Variants in TF observed in about 807,000 individuals in gnomAD.
TF encodes transferrin.
A neutral mutation model predicts 82.4 loss-of-function variants in TF; 55 were observed. That is an observed-to-expected ratio of 0.67 (90% confidence interval 0.54 to 0.84). The LOEUF (loss-of-function observed/expected upper bound fraction) is 0.84, where lower values mean the gene tolerates loss of function less well. Ranked by LOEUF, TF falls within the 40% of genes least tolerant of loss-of-function variation. The pLI, the probability that TF is intolerant of heterozygous loss-of-function variation, is 0.00. For synonymous variants in TF, 332 were observed against 332.6 expected (o/e 1.00, Z 0.02); for missense variants, 737 against 868.4 (o/e 0.85, Z 1.90).
the TF span, among the ~76,000 whole-genome samples, chr3:133,693,059 G>A: frequency 6.6e-6 from 1 of 152,210 alleles, no homozygotes; most frequent in Non-Finnish European, 1.5e-5. Flanking sequence ...TGGAGTGAGG[G>A]TAACCTGCTT....
At chr3:133,678,256 A>G in the TF span, among the ~76,000 whole-genome samples, 1 of 152,204 alleles carries the variant, frequency 6.6e-6, no homozygotes, top group Non-Finnish European at 1.5e-5. Context: ...AATCCAGTCT[A>G]TCATTGATGG....
chr3:133,732,717 G>C, the TF span, among the ~76,000 whole-genome samples: 1 of 152,160 alleles, frequency 6.6e-6, no homozygotes, highest in Non-Finnish European at 1.5e-5. Context: ...ACATCAGAAG[G>C]AAGAAACTCT....
At chr3:133,668,520 AAAGG>A in the TF span, among the ~76,000 whole-genome samples, 1 of 152,090 alleles carries the variant, frequency 6.6e-6, no homozygotes. Flanking sequence ...CCCTTTTCTG[AAAGG>A]GAGTTTTATT....
chr3:133,742,108 TG>T (rs1226185302), upstream of TF, among the ~76,000 whole-genome samples: 8 of 152,122 alleles, frequency 5.3e-5, no homozygotes, highest in South Asian at 2.1e-4. Context: ...CTTAGCCTCT[TG>T]GGTAGCTGGC....
At chr3:133,700,421 G>A in the TF span, among the ~76,000 whole-genome samples, 4 of 152,238 alleles carry the variant, frequency 2.6e-5, no homozygotes, top group Non-Finnish European at 5.9e-5. Context: ...CCAGAAAGGG[G>A]AAGGAACCGT....
intron 11 of TF, among the ~76,000 whole-genome samples, chr3:133,765,509 T>C (rs1483677241): frequency 6.6e-6 from 1 of 152,210 alleles, no homozygotes; most frequent in Non-Finnish European, 1.5e-5. Flanking sequence ...TGGCCCCCTA[T>C]GCTCAGGCCC....
the TF span, among the ~76,000 whole-genome samples, chr3:133,715,298 C>T: frequency 2.6e-5 from 4 of 152,128 alleles, no homozygotes; most frequent in Admixed American, 6.5e-5. Flanking sequence ...GAAAAGAAAT[C>T]GAAAGATAAA....
the TF span, among the ~76,000 whole-genome samples, chr3:133,726,051 C>T: frequency 1.1e-4 from 16 of 152,130 alleles, no homozygotes; most frequent in East Asian, 1.9e-4. Context: ...CTGCTGGATT[C>T]GGTTTGCCAG....
intron 13 of TF, among the ~76,000 whole-genome samples, chr3:133,769,926 C>G (rs1028900414): frequency 6.6e-6 from 1 of 152,118 alleles, no homozygotes; most frequent in African/African-American, 2.4e-5. Context: ...TGTTACAACC[C>G]CCATTACCAC....
At chr3:133,744,986 G>A (rs1559865205), upstream of TF, among the ~76,000 whole-genome samples, 5 of 152,206 alleles carry the variant, frequency 3.3e-5, no homozygotes, top group Admixed American at 2.0e-4. Flanking sequence ...GAAAAGGGGA[G>A]TGCCGACCCT....
chr3:133,689,886 A>C, the TF span, among the ~76,000 whole-genome samples: 1 of 152,202 alleles, frequency 6.6e-6, no homozygotes, highest in Non-Finnish European at 1.5e-5. Context: ...TTATTTGACA[A>C]ATAATAATTG....
the TF span, among the ~76,000 whole-genome samples, chr3:133,727,565 G>C: frequency 9.4e-6 from 1 of 106,584 alleles, no homozygotes; most frequent in Non-Finnish European, 1.9e-5. Context: ...ACGTGAGATG[G>C]GTTTTCTGAA....
chr3:133,787,521 T>C lies in TF; in HGVS notation c.*8901T>C, dbSNP rs906277730. 4 of 152,240 alleles carry C rather than the reference T, an allele frequency of 2.6e-5. No individual in the cohort carries two copies. The highest frequency in any genetic ancestry group is 9.6e-5 in the African/African-American group (4 of 41,462). 9.4% of individuals were successfully genotyped at this position (152,240 alleles called of 1,614,324 possible). On this transcript the variant is annotated 3_prime_UTR_variant, in exon 17 of 17. Transcript: ENST00000402696. ...GTCTCTCTAGATAGTTAGAAATGCT[T>C]GATGTATTTAAAAGTAGAAATAGTA...
the TF span, among the ~76,000 whole-genome samples, chr3:133,695,756 A>C: frequency 6.6e-6 from 1 of 152,202 alleles, no homozygotes; most frequent in Admixed American, 6.5e-5. Flanking sequence ...AAAATATTAC[A>C]TCACTACTCT....
At chr3:133,663,900 A>G in the TF span, among the ~76,000 whole-genome samples, 1 of 152,230 alleles carries the variant, frequency 6.6e-6, no homozygotes, top group African/African-American at 2.4e-5. Context: ...ACTTGATACC[A>G]GAGGAGTGAC....
intron 9 of TF, chr3:133,761,221 A>T (rs1933983529): frequency 4.7e-6 from 1 of 214,898 alleles, no homozygotes. Flanking sequence ...GGCAGAAAGG[A>T]TTCCCAGACT....
At chr3:133,725,295 AG>A in the TF span, among the ~76,000 whole-genome samples, 1 of 152,218 alleles carries the variant, frequency 6.6e-6, no homozygotes, top group Admixed American at 6.5e-5. Context: ...TGAGCATGGA[AG>A]GTTCTTCCAT....
At chr3:133,707,127 G>A in the TF span, among the ~76,000 whole-genome samples, 1 of 152,056 alleles carries the variant, frequency 6.6e-6, no homozygotes, top group Admixed American at 6.6e-5. Context: ...GTCACCAGCA[G>A]AGTGACTGAC....
chr3:133,777,802 A>T, intron 16 of TF: 1 of 158,560 alleles, frequency 6.3e-6, no homozygotes, highest in Admixed American at 6.0e-5. Flanking sequence ...TGCTATGCAT[A>T]CTACTCATTT....
Sources: allele counts gnomAD v4.1 joint callset (sites outside exome capture counted in the v4.1 genomes callset), GRCh38; gene constraint gnomAD v4.1.1; transcripts MANE v1.5; gene names NCBI Gene and HGNC (gene_info 2026-07-23, HGNC 2026-07-21).